Variants in SPSB4 observed in about 807,000 individuals in gnomAD.
SPSB4 encodes the protein splA/ryanodine receptor domain and SOCS box containing 4, also known as SPRY domain-containing SOCS box protein 4.
Under a neutral mutation model 20.9 loss-of-function variants are expected in SPSB4, and 21 were observed. The observed-to-expected ratio is 1.01, with a 90% CI of 0.71 to 1.45. The LOEUF (loss-of-function observed/expected upper bound fraction) is 1.45, where lower values mean the gene tolerates loss of function less well. Among genes scored for constraint, SPSB4 ranks in the 40% most tolerant of loss-of-function variants. SPSB4 has a pLI of 0.00. For missense variants in SPSB4, 399 were observed against 399.2 expected (o/e 1.00, Z 0.00); for synonymous variants, 207 against 183.8 (o/e 1.13, Z -1.02).
chr3:141,066,882 C>G lies in SPSB4; in HGVS notation c.694+84C>G, dbSNP rs115691001. 2.6e-3 allele frequency: 3,495 copies of G among 1,343,668 alleles called. 80 individuals are homozygous for G. The African/African-American group carries it at 0.046, about 18-fold the overall frequency. The allele number at this position is 1,343,668 out of a possible 1,614,324, so 83.2% of individuals were successfully genotyped here. On this transcript the variant is annotated intron_variant, in intron 2 of 2. Coordinates refer to ENST00000310546, the MANE Select transcript of SPSB4 (RefSeq NM_080862.3). ...TGGGCAGGCCACACCTCCATCGCCA[C>G]TTGGGAGGATCCTGCAATGTGGAGG... is the stretch of plus-strand genomic sequence containing the variant.
intron 2 of SPSB4, among the ~76,000 whole-genome samples, chr3:141,071,415 G>A (rs757475353): frequency 4.6e-5 from 7 of 152,162 alleles, no homozygotes; most frequent in Non-Finnish European, 4.4e-5. Context: ...TTTGATTTGG[G>A]GGCATTGATG....
intron 2 of SPSB4, among the ~76,000 whole-genome samples, chr3:141,081,403 G>T (rs562114932): frequency 6.6e-6 from 1 of 152,296 alleles, no homozygotes; most frequent in South Asian, 2.1e-4. Flanking sequence ...CTCTGTTTCT[G>T]CCATGGGACT....
chr3:141,056,056 G>A lies in SPSB4; in HGVS notation c.-154+4064G>A, dbSNP rs919708555. On this transcript the variant is annotated intron_variant, in intron 1 of 2. Transcript: ENST00000310546. ...ACTGAAGTTGAAGCAATGGACTTGGGGGTGCCCCATTGATGGGGTAGGCAG... is the reference window on the plus strand; with the variant it reads ...ACTGAAGTTGAAGCAATGGACTTGGAGGTGCCCCATTGATGGGGTAGGCAG... 2.0e-5 allele frequency among the ~76,000 whole-genome samples: 3 copies of A among 152,246 alleles called. No individual in the cohort carries two copies. In the South Asian group the frequency reaches 6.2e-4, roughly 32 times the overall value.
chr3:141,126,188 G>A (rs1939048672), intron 2 of SPSB4, among the ~76,000 whole-genome samples: 1 of 152,160 alleles, frequency 6.6e-6, no homozygotes, highest in Non-Finnish European at 1.5e-5. Flanking sequence ...GCTCAGAGAG[G>A]GAAGAAATGT....
At chr3:141,108,893 G>A (rs533639990) in intron 2 of SPSB4, among the ~76,000 whole-genome samples, 22 of 152,172 alleles carry the variant, frequency 1.4e-4, no homozygotes, top group Non-Finnish European at 2.1e-4. Flanking sequence ...AAGGCACAGC[G>A]GCTTTAAATT....
chr3:141,122,231 G>A (rs1938979341), intron 2 of SPSB4, among the ~76,000 whole-genome samples: 1 of 152,100 alleles, frequency 6.6e-6, no homozygotes, highest in African/African-American at 2.4e-5. Context: ...TGTTTGCCTG[G>A]GTATCACCAG....
chr3:141,109,936 T>C (rs1401775746), intron 2 of SPSB4, among the ~76,000 whole-genome samples: 3 of 152,242 alleles, frequency 2.0e-5, no homozygotes, highest in Admixed American at 6.5e-5. Context: ...ACTCACGTCC[T>C]GTGGCAACTG....
At chr3:141,069,982 G>A (rs1174357005) in intron 2 of SPSB4, among the ~76,000 whole-genome samples, 2 of 152,208 alleles carry the variant, frequency 1.3e-5, no homozygotes, top group East Asian at 1.9e-4. Flanking sequence ...CTGAGGGCAC[G>A]AACTCCTGGA....
intron 2 of SPSB4, among the ~76,000 whole-genome samples, chr3:141,120,448 T>G (rs1054812752): frequency 6.6e-6 from 1 of 152,212 alleles, no homozygotes; most frequent in African/African-American, 2.4e-5. Context: ...GGTCCAGAGT[T>G]CAAGTCCTGG....
intron 2 of SPSB4, among the ~76,000 whole-genome samples, chr3:141,092,014 C>G (rs1310781502): frequency 6.6e-6 from 1 of 152,200 alleles, no homozygotes; most frequent in Non-Finnish European, 1.5e-5. Context: ...TAACATGGAA[C>G]ACAGCAGGGA....
chr3:141,066,512 C>T lies in SPSB4; in HGVS notation c.408C>T (p.Asp136=). Residue 136 remains aspartate (D), a synonymous_variant, in exon 2 of 3, where the codon GAC becomes GAT. Transcript: ENST00000310546. ...SVGYTALVGS[D]AESWGWDLGR... ...GCTACACGGCGCTGGTAGGCAGTGA[C>T]GCCGAGTCGTGGGGCTGGGACCTGG... The T allele has an allele frequency of 2.7e-6, 4 of 1,503,622 alleles. No homozygotes were observed. The highest frequency in any genetic ancestry group is 1.3e-5 in the South Asian group (1 of 75,998). 93.1% of individuals were successfully genotyped at this position (1,503,622 alleles called of 1,614,324 possible). A position where few individuals can be genotyped will look rare whatever the true frequency, so the allele number is the denominator to read the frequency against.
chr3:141,137,968 C>A (rs1034358375), intron 2 of SPSB4, among the ~76,000 whole-genome samples: 4 of 151,994 alleles, frequency 2.6e-5, no homozygotes, highest in Non-Finnish European at 4.4e-5. Context: ...TGGTCCTGGA[C>A]TTTTTTTGGT....
intron 2 of SPSB4, 34 bp downstream of exon 2, chr3:141,066,832 A>G (rs1047445841): frequency 2.0e-6 from 3 of 1,496,956 alleles, no homozygotes; most frequent in African/African-American, 2.8e-5. Flanking sequence ...CAGGGCTTTC[A>G]GAGGCTGCCA....
intron 1 of SPSB4, among the ~76,000 whole-genome samples, chr3:141,059,073 A>G (rs919420801): frequency 6.6e-6 from 1 of 152,162 alleles, no homozygotes; most frequent in Middle Eastern, 3.2e-3. Flanking sequence ...GTTTCCTGCC[A>G]TCAGAGGAAT....
chr3:141,097,801 A>G (rs1938567208), intron 2 of SPSB4, among the ~76,000 whole-genome samples: 1 of 152,182 alleles, frequency 6.6e-6, no homozygotes. Flanking sequence ...GATTGATAAT[A>G]TTTAATAATA....
chr3:141,093,769 A>G (rs963278594), intron 2 of SPSB4, among the ~76,000 whole-genome samples: 1 of 152,230 alleles, frequency 6.6e-6, no homozygotes, highest in Non-Finnish European at 1.5e-5. Context: ...ACCAGAAGCC[A>G]GGGGTCCTCA....
chr3:141,062,145 G>A (rs550664813), intron 1 of SPSB4, among the ~76,000 whole-genome samples: 46 of 152,256 alleles, frequency 3.0e-4, no homozygotes, highest in African/African-American at 8.9e-4. Flanking sequence ...CTTTGGTTCC[G>A]ATGACCTTGC....
Position 141,066,441 on chromosome 3 carries a change from G to GGGAGT in SPSB4, c.337_338insGGAGT (p.Ala113GlyfsTer4). ...GCCGGCTCGGCAGCGCGGCACCCAC[G>GGGAGT]CTGTAGTTGGTGTGGCCACGGCCCG... is the stretch of plus-strand genomic sequence containing the variant. On this transcript the variant is annotated frameshift_variant, in exon 2 of 3. Coordinates refer to ENST00000310546, the MANE Select transcript of SPSB4 (RefSeq NM_080862.3). LOFTEE classifies it high-confidence loss of function. 1 of 1,505,836 alleles carries GGGAGT rather than the reference G, an allele frequency of 6.6e-7. No homozygotes were observed. The highest frequency in any genetic ancestry group is 8.9e-7 in the Non-Finnish European group (1 of 1,128,272). The allele number at this position is 1,505,836 out of a possible 1,614,324, so 93.3% of individuals were successfully genotyped here.
At chr3:141,094,057 T>C (rs895787555) in intron 2 of SPSB4, among the ~76,000 whole-genome samples, 2 of 152,092 alleles carry the variant, frequency 1.3e-5, no homozygotes. Context: ...AGGTTCCCTG[T>C]AGTTGTTGGC....
Sources: gnomAD v4.1 joint callset for allele counts (sites outside exome capture counted in the v4.1 genomes callset) on GRCh38, gnomAD v4.1.1 for gene constraint, MANE v1.5 for transcripts, NCBI Gene and HGNC (gene_info 2026-07-23, HGNC 2026-07-21) for gene names.